Variants in NOX4 observed in about 807,000 individuals in gnomAD.
NOX4 encodes kidney oxidase-1.
Under a neutral mutation model 87.6 loss-of-function variants are expected in NOX4, and 69 were observed. The ratio of observed to expected loss-of-function variants is 0.79; its 90% CI spans 0.65 to 0.96. NOX4 has a LOEUF of 0.96. NOX4 is among the 40% of genes least tolerant of loss of function. The pLI, the probability that NOX4 is intolerant of heterozygous loss-of-function variation, is 0.00. For missense variants in NOX4, 680 were observed against 681.5 expected, an observed-to-expected ratio of 1.00 and a Z score of 0.02; for synonymous variants, 275 against 238.2, an observed-to-expected ratio of 1.15 and a Z score of -1.42.
intron 4 of NOX4, among the ~76,000 whole-genome samples, chr11:89,447,379 T>C (rs1046276229): frequency 4.6e-4 from 70 of 152,302 alleles, no homozygotes; most frequent in African/African-American, 1.6e-3. Context: ...GTAACAGCTA[T>C]AGAAAATACA....
intron 8 of NOX4, among the ~76,000 whole-genome samples, chr11:89,404,168 A>G (rs750913773): frequency 6.6e-6 from 1 of 152,180 alleles, no homozygotes; most frequent in African/African-American, 2.4e-5. Context: ...CACCCAATAC[A>G]ATTGCTGGGA....
At chr11:89,340,211 A>C (rs765319678) in intron 14 of NOX4, 40 bp from the exon 15 acceptor site, 19 of 1,252,514 alleles carry the variant, frequency 1.5e-5, no homozygotes, top group Non-Finnish European at 2.1e-5. Flanking sequence ...TAGGATGGCA[A>C]ACACAAATAT....
chr11:89,538,458 A>ATTCCCC, the NOX4 span, among the ~76,000 whole-genome samples: 4 of 152,320 alleles, frequency 2.6e-5, no homozygotes, highest in Non-Finnish European at 5.9e-5. Flanking sequence ...CTGATATAAA[A>ATTCCCC]TTGTTTTTGA....
chr11:89,337,442 C>T lies in NOX4; in HGVS notation c.1515+5G>A. 6.2e-7 allele frequency: 1 copy of T among 1,611,916 alleles called. No individual in the cohort carries two copies. The highest frequency in any genetic ancestry group is 1.3e-5 in the African/African-American group (1 of 74,972). Reference sequence around the variant, plus strand: ...GTTTAATTTACGATAACATCAACCACATACCTGTATCCCATCTGTTTGACT... The same window carrying T: ...GTTTAATTTACGATAACATCAACCATATACCTGTATCCCATCTGTTTGACT... On this transcript the variant is annotated splice_donor_5th_base_variant and intron_variant, in intron 16 of 17. Transcript: ENST00000263317.
chr11:89,438,844 T>A (rs1565293548), intron 6 of NOX4, among the ~76,000 whole-genome samples: 9 of 36,286 alleles, frequency 2.5e-4, no homozygotes, highest in African/African-American at 1.7e-3. Context: ...ATATTATATA[T>A]ATTATATAAT....
chr11:89,350,077 T>C (rs1205316785), intron 13 of NOX4, among the ~76,000 whole-genome samples: 2 of 152,206 alleles, frequency 1.3e-5, no homozygotes, highest in African/African-American at 4.8e-5. Flanking sequence ...CATCTGTCTC[T>C]TTCTGACAAC....
chr11:89,432,089 A>C (rs1340778883), intron 7 of NOX4, among the ~76,000 whole-genome samples: 1 of 151,428 alleles, frequency 6.6e-6, no homozygotes, highest in Non-Finnish European at 1.5e-5. Context: ...TTCTCAGCAA[A>C]CTATCGCAAG....
chr11:89,507,224 A>C, the NOX4 span, among the ~76,000 whole-genome samples: 3 of 151,860 alleles, frequency 2.0e-5, no homozygotes, highest in African/African-American at 7.2e-5. Flanking sequence ...GGATACGTGC[A>C]TTATCTTGAT....
chr11:89,343,643 G>A (rs539449975), intron 13 of NOX4, among the ~76,000 whole-genome samples: 6 of 151,978 alleles, frequency 3.9e-5, no homozygotes, highest in South Asian at 2.1e-4. Context: ...AATACACTGC[G>A]TTTCACTTAT....
At chr11:89,359,909 A>AT (rs1275884575) in intron 12 of NOX4, among the ~76,000 whole-genome samples, 7 of 152,054 alleles carry the variant, frequency 4.6e-5, no homozygotes, top group East Asian at 3.9e-4. Flanking sequence ...TAATAGGTTA[A>AT]TTTTTTTATC....
the NOX4 span, among the ~76,000 whole-genome samples, chr11:89,522,207 CAA>C: frequency 6.6e-6 from 1 of 152,084 alleles, no homozygotes; most frequent in Admixed American, 6.6e-5. Context: ...ATTGTTCTAC[CAA>C]AAAGAAACAT....
chr11:89,537,349 T>C, the NOX4 span, among the ~76,000 whole-genome samples: 4 of 151,854 alleles, frequency 2.6e-5, no homozygotes, highest in African/African-American at 9.7e-5. Flanking sequence ...AAAGCATATT[T>C]ATATCTTTTT....
chr11:89,435,781 A>G (rs919731654), intron 6 of NOX4, among the ~76,000 whole-genome samples: 2 of 152,120 alleles, frequency 1.3e-5, no homozygotes, highest in Non-Finnish European at 1.5e-5. Context: ...CAAAACTCCA[A>G]TCTCACTGAA....
At chr11:89,562,238 G>A in the NOX4 span, among the ~76,000 whole-genome samples, 2 of 152,092 alleles carry the variant, frequency 1.3e-5, no homozygotes, top group African/African-American at 4.8e-5. Context: ...AAGTTCACAT[G>A]AGATATAGAA....
chr11:89,412,283 A>G (rs1401436024), intron 8 of NOX4, among the ~76,000 whole-genome samples: 3 of 152,164 alleles, frequency 2.0e-5, no homozygotes, highest in African/African-American at 7.2e-5. Flanking sequence ...TCAAGAAATA[A>G]ACATCAGACT....
At position 89,438,799 on chromosome 11, in the gene NOX4, ATATTATATATTATATATATTAT is replaced by A. The variant is rs1944260132; in HGVS notation, c.475+1867_475+1888del. 8.6e-4 allele frequency among the ~76,000 whole-genome samples: 21 copies of A among 24,456 alleles called. No individual in the cohort carries two copies. The South Asian group carries it at 0.024, about 28-fold the overall frequency. 16.0% of individuals were successfully genotyped at this position (24,456 alleles called of 152,430 possible). On this transcript the variant is annotated intron_variant, in intron 6 of 17. Transcript: ENST00000263317. ...AATATAATAATATATAGTGTATAAT[ATATTATATATTATATATATTAT>A]ATAATATCTTATATATTATATATAT...
intron 2 of NOX4, among the ~76,000 whole-genome samples, chr11:89,488,702 C>G (rs1057059817): frequency 6.6e-6 from 1 of 152,086 alleles, no homozygotes; most frequent in Non-Finnish European, 1.5e-5. Flanking sequence ...TTTTACCATT[C>G]TATATCTAAA....
chr11:89,575,145 T>C, the NOX4 span, among the ~76,000 whole-genome samples: 1 of 152,094 alleles, frequency 6.6e-6, no homozygotes, highest in East Asian at 1.9e-4. Context: ...ATTGTGCCTT[T>C]GCACTCCCGA....
At position 89,479,486 on chromosome 11, in the gene NOX4, G is replaced by GA. The variant is rs1040837503; in HGVS notation, c.153+10971dup. On this transcript the variant is annotated intron_variant, in intron 2 of 17. Transcript: ENST00000263317. ...CCCTATTGTTAAAATGCCTCCATTA[G>GA]AAAAAAAACACTCAGCTATATAAAA... 2.8e-4 allele frequency among the ~76,000 whole-genome samples: 43 copies of GA among 151,354 alleles called. No homozygotes were observed. The South Asian group carries it at 6.9e-3, about 24-fold the overall frequency.
Sources: allele counts gnomAD v4.1 joint callset (sites outside exome capture counted in the v4.1 genomes callset), GRCh38; gene constraint gnomAD v4.1.1; transcripts MANE v1.5; gene names NCBI Gene and HGNC (gene_info 2026-07-23, HGNC 2026-07-21).